PARP4: variants seen among roughly 807,000 people sequenced by gnomAD.
PARP4 encodes the protein poly(ADP-ribose) polymerase family member 4.
A neutral mutation model predicts 187.7 loss-of-function variants in PARP4; 120 were observed. The ratio of observed to expected loss-of-function variants is 0.64; its 90% CI spans 0.55 to 0.74. The LOEUF (loss-of-function observed/expected upper bound fraction) is 0.74, where lower values mean the gene tolerates loss of function less well. PARP4 is among the 30% of genes least tolerant of loss of function. PARP4 has a pLI of 0.00. For missense variants in PARP4, 1,836 were observed against 2,070.5 expected, an observed-to-expected ratio of 0.89 and a Z score of 2.20; for synonymous variants, 654 against 740.9, an observed-to-expected ratio of 0.88 and a Z score of 1.90.
At chr13:24,458,620 A>G (rs981597909) in intron 20 of PARP4, among the ~76,000 whole-genome samples, 1 of 152,126 alleles carries the variant, frequency 6.6e-6, no homozygotes, top group Non-Finnish European at 1.5e-5. Context: ...TCATAATATT[A>G]TACATTTCTT....
intron 1 of PARP4, among the ~76,000 whole-genome samples, chr13:24,504,559 G>C (rs1252446053): frequency 6.6e-6 from 1 of 151,850 alleles, no homozygotes; most frequent in African/African-American, 2.4e-5. Flanking sequence ...AAAGTGCTGT[G>C]ATTACAGGTG....
intron 1 of PARP4, among the ~76,000 whole-genome samples, chr13:24,510,502 G>T (rs377730341): frequency 7.2e-6 from 1 of 137,956 alleles, no homozygotes; most frequent in South Asian, 2.4e-4. Flanking sequence ...TGCAGTGAGC[G>T]GAGATCCCGC....
In PARP4 at chr13:24,434,943, C is replaced by G. The variant is rs1870539882; in HGVS notation, c.4198G>C (p.Val1400Leu). 1 of 1,613,806 alleles carries G rather than the reference C, an allele frequency of 6.2e-7. No homozygotes were observed. The highest frequency in any genetic ancestry group is 1.7e-5 in the Admixed American group (1 of 59,988). The change falls in exon 31 of 34, where the codon GTT (valine) becomes CTT (leucine). Residue 1400 changes from valine (V) to leucine (L), a missense_variant. Val to Leu is a conservative substitution (Grantham distance 32, BLOSUM62 1). Transcript: ENST00000381989. ...GAGCTTAATGAGCTCCCTGAAAAAA[C>G]AATGCCACAATAGGGTGAAGAAGGT... is the stretch of plus-strand genomic sequence containing the variant. ...NPPSSPYCGIVFSGSSLSSAQ... is the reference protein window; with the variant it reads ...NPPSSPYCGILFSGSSLSSAQ...
intron 2 of PARP4, among the ~76,000 whole-genome samples, chr13:24,502,170 G>T (rs535121439): frequency 6.6e-6 from 1 of 152,132 alleles, no homozygotes; most frequent in South Asian, 2.1e-4. Context: ...TGGAAAGGGA[G>T]GTTCAAAGGT....
At chr13:24,448,456 G>GAAA (rs35479674) in intron 25 of PARP4, among the ~76,000 whole-genome samples, 84 of 148,572 alleles carry the variant, frequency 5.7e-4, no homozygotes, top group Non-Finnish European at 6.7e-4. Context: ...AATCAATAAG[G>GAAA]AAAAAAAAAA....
intron 1 of PARP4, among the ~76,000 whole-genome samples, chr13:24,506,417 T>C (rs769451345): frequency 6.6e-6 from 1 of 152,160 alleles, no homozygotes; most frequent in Non-Finnish European, 1.5e-5. Flanking sequence ...AGGTTGCCAC[T>C]GCTAGCTCGG....
chr13:24,470,401 A>G (rs1872681005), intron 15 of PARP4, among the ~76,000 whole-genome samples: 1 of 151,952 alleles, frequency 6.6e-6, no homozygotes, highest in Admixed American at 6.6e-5. Context: ...TAGTCCTTCT[A>G]TCCTATCAGC....
Position 24,456,173 on chromosome 13 carries a change from T to C in PARP4, c.2562+168A>G, listed in dbSNP as rs76606460. Among the ~76,000 whole-genome samples, 282 of 152,312 alleles carry C rather than the reference T, an allele frequency of 1.9e-3. 1 individual carries two copies. Among genetic ancestry groups the C allele is most frequent in the African/African-American group, 6.4e-3 (264 of 41,556 alleles). The stretch of plus-strand genomic sequence containing the variant: ...GGGTTTTGGATGAAACGTCAGAAGT[T>C]TGGCATGCTTGATATCATAAATATT... On this transcript the variant is annotated intron_variant, in intron 21 of 33. Transcript: ENST00000381989.
rs1870504321 is a variant in PARP4 at position 24,434,494 on chromosome 13, G to A, written c.4647C>T (p.Ile1549=). ...CTTCTTTTACTTCCAGAAAGCACAG[G>A]ATACTGTCATCTTTTGTATCACATT... ...QIKCDTKDDS[I]LCFLEVKEED... is the part of the protein sequence containing the mutation. The change falls in exon 31 of 34, where the codon ATC becomes ATT. Residue 1549 remains isoleucine (I), a synonymous_variant. Coordinates refer to ENST00000381989, the MANE Select transcript of PARP4 (RefSeq NM_006437.4). 6.2e-7 allele frequency: 1 copy of A among 1,613,544 alleles called. No individual in the cohort carries two copies. Among genetic ancestry groups the A allele is most frequent in the African/African-American group, 1.3e-5 (1 of 74,914 alleles).
rs1282610945 is a variant in PARP4 at position 24,490,749 on chromosome 13, A to G, written c.1133T>C (p.Leu378Ser). 1 of 1,614,096 alleles carries G rather than the reference A, an allele frequency of 6.2e-7. No individual in the cohort carries two copies. The change falls in exon 10 of 34, where the codon TTG becomes TCG. Residue 378 changes from leucine (L) to serine (S), a missense_variant. Physicochemically the swap from Leu to Ser is moderately radical, Grantham distance 145. Around this residue, in one of 8 missense-constraint regions of PARP4, gnomAD observed 1,147 missense variants for 1,214.2 expected, o/e 0.94. Transcript: ENST00000381989. ...TTCAACATGCTCAATTTTGCACCTC[A>G]AAGCTCGGTATTTGGCCAGGGATGG... ...NPPSLAKYRALRCKIEHVEQN... is the reference protein window; with the variant it reads ...NPPSLAKYRASRCKIEHVEQN...
intron 21 of PARP4, among the ~76,000 whole-genome samples, 189 bp from the exon 22 acceptor site, chr13:24,455,401 T>C (rs886096667): frequency 6.7e-6 from 1 of 150,256 alleles, no homozygotes; most frequent in Non-Finnish European, 1.5e-5. Context: ...GAACTGGGAG[T>C]TTCCAACTTC....
chr13:24,432,838 A>T (rs1227487690), intron 31 of PARP4, among the ~76,000 whole-genome samples: 2 of 152,172 alleles, frequency 1.3e-5, no homozygotes, highest in Admixed American at 1.3e-4. Flanking sequence ...GAGCTTGGGG[A>T]TATTAACCTC....
chr13:24,460,475 CGGGTGGGCTCTGCTGCAT>C (rs879706240), intron 17 of PARP4, among the ~76,000 whole-genome samples: 24 of 126,486 alleles, frequency 1.9e-4, no homozygotes, highest in Middle Eastern at 3.5e-3. Context: ...CTCTGCTGCA[CGGGTGGGCTCTGCTGCAT>C]GGGTGGGCTC....
At chr13:24,434,244 G>A (rs1460386273) in intron 31 of PARP4, 151 bp downstream of exon 31, 2 of 538,172 alleles carry the variant, frequency 3.7e-6, no homozygotes, top group Non-Finnish European at 3.0e-6. Context: ...GTTCCTCAAT[G>A]AAGGAAGCAG....
At chr13:24,446,032 C>T (rs897545474) in intron 27 of PARP4, among the ~76,000 whole-genome samples, 6 of 152,186 alleles carry the variant, frequency 3.9e-5, no homozygotes, top group Admixed American at 2.0e-4. Flanking sequence ...TTTCATAATT[C>T]ATTTGCTTTT....
intron 33 of PARP4, among the ~76,000 whole-genome samples, chr13:24,425,581 C>A (rs1275213889): frequency 8.5e-6 from 1 of 117,952 alleles, no homozygotes; most frequent in Non-Finnish European, 1.7e-5. Flanking sequence ...ATATCTATAT[C>A]TATATCTATA....
chr13:24,492,640 G>C (rs754534250), intron 8 of PARP4, 46 bp from the exon 9 acceptor site: 17 of 1,463,252 alleles, frequency 1.2e-5, no homozygotes, highest in African/African-American at 2.8e-5. Flanking sequence ...TCTCAATACA[G>C]AAATTAAGGA....
Position 24,447,056 on chromosome 13 carries a change from T to G in PARP4, c.3245A>C (p.Asp1082Ala). 6.2e-7 allele frequency: 1 copy of G among 1,607,408 alleles called. No individual in the cohort carries two copies. ...AATGAATCCATAGACAAGGAGTCGA[T>G]CATTGAGAAACAAGGACGGCACCTG... ...PAQVPSLFLN[D>A]RLLVYGFIPH... The change falls in exon 26 of 34, where the codon GAT becomes GCT. Residue 1082 changes from aspartate to alanine, a missense_variant. Transcript: ENST00000381989.
rs560572972 is a variant in PARP4, at chr13:24,469,761, AAAG to A, written c.2046+130_2046+132del. The stretch of plus-strand genomic sequence containing the variant: ...CTCACTGCGCAAGAACTGATTCTTC[AAAG>A]AATATTCTCGTTTTATGATAAGGCT... On this transcript the variant is annotated intron_variant, in intron 16 of 33. Transcript: ENST00000381989. The A allele has an allele frequency of 3.2e-6, 3 of 940,646 alleles. No individual in the cohort carries two copies. In the South Asian group the frequency reaches 5.5e-5, roughly 17 times the overall value. 58.3% of individuals were successfully genotyped at this position (940,646 alleles called of 1,614,324 possible). A position where few individuals can be genotyped will look rare whatever the true frequency, so the allele number is the denominator to read the frequency against.
Sources: allele counts gnomAD v4.1 joint callset (sites outside exome capture counted in the v4.1 genomes callset), GRCh38; gene constraint gnomAD v4.1.1; regional missense constraint gnomAD v4.1.1; transcripts MANE v1.5; gene names NCBI Gene and HGNC (gene_info 2026-07-23, HGNC 2026-07-21).